Variants in STK3 observed in about 807,000 individuals in gnomAD.
The protein encoded by STK3 is serine/threonine-protein kinase 3.
A neutral mutation model predicts 58.0 loss-of-function variants in STK3; 41 were observed. The ratio of observed to expected loss-of-function variants is 0.71; its 90% confidence interval spans 0.55 to 0.92. The LOEUF is 0.92. Ranked by LOEUF, STK3 falls within the 40% of genes least tolerant of loss-of-function variation. The pLI is 0.00. For synonymous variants in STK3, 170 were observed against 191.0 expected, an observed-to-expected ratio of 0.89 and a Z score of 0.91; for missense variants, 479 against 602.7, an observed-to-expected ratio of 0.79 and a Z score of 2.15.
At chr8:98,532,185 A>T (rs1826210462) in intron 9 of STK3, among the ~76,000 whole-genome samples, 1 of 152,146 alleles carries the variant, frequency 6.6e-6, no homozygotes, top group Non-Finnish European at 1.5e-5. Flanking sequence ...AAGTTTAATC[A>T]TTTCTAGCTT....
chr8:98,628,609 C>G (rs1458767884), intron 6 of STK3, among the ~76,000 whole-genome samples: 2 of 151,940 alleles, frequency 1.3e-5, no homozygotes, highest in African/African-American at 2.4e-5. Flanking sequence ...CTAGCCTGGG[C>G]AAAATAGCGC....
At chr8:98,459,135 T>C (rs1054384573) in intron 10 of STK3, among the ~76,000 whole-genome samples, 13 of 152,166 alleles carry the variant, frequency 8.5e-5, no homozygotes, top group African/African-American at 3.1e-4. Context: ...GTTAGTGATA[T>C]GGACAATGAA....
At chr8:98,511,344 GT>G (rs1205867324) in intron 10 of STK3, among the ~76,000 whole-genome samples, 1 of 151,830 alleles carries the variant, frequency 6.6e-6, no homozygotes, top group African/African-American at 2.4e-5. Flanking sequence ...GCTACTACAT[GT>G]TTTGCACACC....
At chr8:98,761,187 G>A (rs1287058847) in intron 3 of STK3, among the ~76,000 whole-genome samples, 2 of 149,940 alleles carry the variant, frequency 1.3e-5, no homozygotes, top group African/African-American at 2.5e-5. Flanking sequence ...GCAGTGGCAT[G>A]ATCTCAGGTC....
At chr8:98,585,137 T>C (rs916431833) in intron 7 of STK3, among the ~76,000 whole-genome samples, 2 of 151,944 alleles carry the variant, frequency 1.3e-5, no homozygotes, top group Non-Finnish European at 1.5e-5. Flanking sequence ...TTGTTGCCAT[T>C]GCTTTTGGTG....
chr8:98,802,138 C>T (rs1425628050), intron 1 of STK3, among the ~76,000 whole-genome samples: 1 of 152,134 alleles, frequency 6.6e-6, no homozygotes, highest in Non-Finnish European at 1.5e-5. Flanking sequence ...TGCCACTGCA[C>T]TCCAGCCTGG....
chr8:98,594,321 C>T (rs1034078763), intron 7 of STK3, among the ~76,000 whole-genome samples: 5 of 151,754 alleles, frequency 3.3e-5, no homozygotes, highest in Admixed American at 6.6e-5. Context: ...ATACATGGGC[C>T]GGGCACGGTG....
intron 6 of STK3, among the ~76,000 whole-genome samples, chr8:98,699,980 G>A (rs1738110980): frequency 6.6e-6 from 1 of 152,238 alleles, no homozygotes; most frequent in Non-Finnish European, 1.5e-5. Context: ...GAAGCCTACA[G>A]AGGCAGGCAG....
intron 3 of STK3, among the ~76,000 whole-genome samples, chr8:98,864,912 A>G (rs181386617): frequency 4.7e-4 from 72 of 152,346 alleles, no homozygotes; most frequent in African/African-American, 1.6e-3. Flanking sequence ...TCAGTCAGAA[A>G]GAAAGAAGAG....
intron 8 of STK3, among the ~76,000 whole-genome samples, chr8:98,562,073 TA>T (rs1281628001): frequency 2.6e-5 from 4 of 152,186 alleles, no homozygotes; most frequent in African/African-American, 9.6e-5. Context: ...AGTAGGAATA[TA>T]AAATGATACA....
intron 8 of STK3, among the ~76,000 whole-genome samples, chr8:98,568,992 G>A (rs1393441731): frequency 6.6e-6 from 1 of 152,168 alleles, no homozygotes; most frequent in East Asian, 1.9e-4. Flanking sequence ...GTATACCAAG[G>A]CACATTATTA....
intron 1 of STK3, among the ~76,000 whole-genome samples, chr8:98,779,456 G>A (rs956598106): frequency 1.3e-5 from 2 of 152,194 alleles, no homozygotes; most frequent in Non-Finnish European, 2.9e-5. Context: ...GTCCACATGG[G>A]TGGCTGAGAT....
chr8:98,467,634 AG>A (rs1009231006), intron 10 of STK3, among the ~76,000 whole-genome samples: 1 of 151,844 alleles, frequency 6.6e-6, no homozygotes, highest in Non-Finnish European at 1.5e-5. Flanking sequence ...TGTGAAGATG[AG>A]GGTATTTTTT....
At chr8:98,732,706 C>T (rs1011003048) in intron 4 of STK3, among the ~76,000 whole-genome samples, 7 of 151,838 alleles carry the variant, frequency 4.6e-5, no homozygotes, top group Non-Finnish European at 8.8e-5. Flanking sequence ...TCTAAGGATA[C>T]GGCTATAAAA....
At chr8:98,490,359 T>C (rs1822591339) in intron 10 of STK3, among the ~76,000 whole-genome samples, 1 of 152,214 alleles carries the variant, frequency 6.6e-6, no homozygotes, top group African/African-American at 2.4e-5. Flanking sequence ...TCTCACTTCC[T>C]TTGCAATATT....
intron 10 of STK3, among the ~76,000 whole-genome samples, chr8:98,472,594 T>G (rs1479970476): frequency 6.6e-6 from 1 of 152,170 alleles, no homozygotes; most frequent in Non-Finnish European, 1.5e-5. Flanking sequence ...TTCTTAACTT[T>G]ATAGATGATT....
chr8:98,761,363 A>C (rs1415302794), intron 3 of STK3, among the ~76,000 whole-genome samples: 1 of 151,976 alleles, frequency 6.6e-6, no homozygotes, highest in Non-Finnish European at 1.5e-5. Flanking sequence ...GAGTTCAAGC[A>C]ATCTGCCCAC....
chr8:98,737,989 C>T (rs867614930), intron 4 of STK3, among the ~76,000 whole-genome samples: 3 of 152,190 alleles, frequency 2.0e-5, no homozygotes, highest in Middle Eastern at 3.4e-3. Context: ...GGATTACAGG[C>T]GTGAGCCACC....
chr8:98,488,434 G>A (rs930381838), intron 10 of STK3, among the ~76,000 whole-genome samples: 2 of 152,128 alleles, frequency 1.3e-5, no homozygotes, highest in African/African-American at 4.8e-5. Flanking sequence ...ATTCTCCCTA[G>A]TGGTAACAAA....
Sources: allele counts gnomAD v4.1 joint callset (sites outside exome capture counted in the v4.1 genomes callset), GRCh38; gene constraint gnomAD v4.1.1; transcripts MANE v1.5; gene names NCBI Gene and HGNC (gene_info 2026-07-23, HGNC 2026-07-21).